ATF7: variants seen among roughly 807,000 people sequenced by gnomAD.
The protein encoded by ATF7 is activating transcription factor 7, also known as cyclic AMP-dependent transcription factor ATF-7.
A neutral mutation model predicts 50.4 loss-of-function variants in ATF7; 10 were observed. The observed-to-expected ratio is 0.20, with a 90% CI of 0.12 to 0.34. The LOEUF (loss-of-function observed/expected upper bound fraction) is 0.34. Among genes scored for constraint, ATF7 ranks in the 10% least tolerant of loss-of-function variants. The pLI, the probability that ATF7 is intolerant of heterozygous loss-of-function variation, is 1.00. For synonymous variants in ATF7, 201 were observed against 226.4 expected (o/e 0.89, Z 1.01); for missense variants, 465 against 613.9 (o/e 0.76, Z 2.56).
intron 2 of ATF7, among the ~76,000 whole-genome samples, chr12:53,591,860 C>T (rs1304467385): frequency 6.6e-6 from 1 of 152,140 alleles, no homozygotes; most frequent in Non-Finnish European, 1.5e-5. Context: ...TACAATGACT[C>T]AAAGGACACA....
At chr12:53,570,920 G>T (rs1405954074) in intron 2 of ATF7, among the ~76,000 whole-genome samples, 1 of 152,202 alleles carries the variant, frequency 6.6e-6, no homozygotes, top group East Asian at 1.9e-4. Flanking sequence ...CTGGGGTTAA[G>T]ACTTCACCAT....
At chr12:53,569,946 G>C (rs1278204890) in intron 2 of ATF7, among the ~76,000 whole-genome samples, 1 of 152,022 alleles carries the variant, frequency 6.6e-6, no homozygotes, top group East Asian at 1.9e-4. Flanking sequence ...CAAAGTGCAG[G>C]GATTACAGGT....
chr12:53,595,986 G>A (rs551264005), intron 2 of ATF7, among the ~76,000 whole-genome samples: 25 of 152,172 alleles, frequency 1.6e-4, no homozygotes, highest in African/African-American at 6.0e-4. Context: ...AGAAATAATC[G>A]AAGGATTTTT....
chr12:53,569,263 CAGA>C lies in ATF7; in HGVS notation c.49-16629_49-16627del, dbSNP rs367674850. Among the ~76,000 whole-genome samples the C allele has an allele frequency of 2.0e-4, 30 of 152,366 alleles. No individual in the cohort carries two copies. In the South Asian group the frequency reaches 6.2e-3, roughly 32 times the overall value. ...TCTAGACAGTCATAGTGATCCAACA[CAGA>C]AGAACAGCAGCAGCTGGGGAAATTG... On this transcript the variant is annotated intron_variant, in intron 2 of 11. Coordinates refer to ENST00000420353, the MANE Select transcript of ATF7 (RefSeq NM_006856.3).
At chr12:53,511,799 G>T (rs1177254830), downstream of ATF7, among the ~76,000 whole-genome samples, 7 of 152,210 alleles carry the variant, frequency 4.6e-5, no homozygotes, top group East Asian at 3.8e-4. Context: ...CTGCCAGGAT[G>T]CCAAGGGCCC....
intron 2 of ATF7, among the ~76,000 whole-genome samples, chr12:53,576,701 A>AAAACAAAC (rs556071136): frequency 8.5e-5 from 13 of 152,234 alleles, no homozygotes; most frequent in East Asian, 3.9e-4. Flanking sequence ...TGTTCTTTAT[A>AAAACAAAC]AAACAAACAA....
At chr12:53,574,953 CAAAAA>C (rs200535578) in intron 2 of ATF7, 6 of 169,002 alleles carry the variant, frequency 3.6e-5, no homozygotes, top group South Asian at 2.1e-4. Context: ...GAGCTTAAGC[CAAAAA>C]AAAAAAAAAA....
intron 2 of ATF7, among the ~76,000 whole-genome samples, chr12:53,599,228 C>G (rs1943285970): frequency 6.6e-6 from 1 of 150,962 alleles, no homozygotes; most frequent in Admixed American, 6.6e-5. Context: ...TTTGTAAAGA[C>G]AGGGTCTCAC....
intron 2 of ATF7, among the ~76,000 whole-genome samples, chr12:53,597,233 C>T (rs1943198737): frequency 6.6e-6 from 1 of 152,046 alleles, no homozygotes; most frequent in South Asian, 2.1e-4. Flanking sequence ...AGCTGTGTCA[C>T]ATCAGACTTA....
chr12:53,605,396 A>AG (rs1269303041), intron 1 of ATF7, among the ~76,000 whole-genome samples: 1 of 151,846 alleles, frequency 6.6e-6, no homozygotes, highest in Non-Finnish European at 1.5e-5. Context: ...TCTCAAAAAA[A>AG]AAAAAAAAAA....
intron 6 of ATF7, 28 bp downstream of exon 6, chr12:53,534,474 A>G (rs1939102834): frequency 1.2e-6 from 2 of 1,613,270 alleles, no homozygotes; most frequent in Admixed American, 1.7e-5. Context: ...TGCAGCCTTC[A>G]CTACTTCTCC....
intron 2 of ATF7, among the ~76,000 whole-genome samples, chr12:53,557,775 C>T (rs1940845690): frequency 6.6e-6 from 1 of 152,194 alleles, no homozygotes. Flanking sequence ...CCACACATAG[C>T]TATTGAGTAC....
At position 53,524,600 on chromosome 12, in the gene ATF7, C is replaced by G; in HGVS notation, c.1089G>C (p.Lys363Asn). Residue 363 changes from lysine to asparagine, a missense_variant, in exon 10 of 12, where the codon AAG becomes AAC. Lys to Asn is a moderately conservative substitution (Grantham distance 94). Transcript: ENST00000420353. This position sits in a 1 kb window ranked among gnomAD's most constrained non-coding sequence, Gnocchi z 4.6. ...RKLWVSSLEKKAEELTSQNIQ... is the reference protein window; with the variant it reads ...RKLWVSSLEKNAEELTSQNIQ... ...TGTTCTGAGAAGTGAGTTCTTCGGC[C>G]TTCTTCTCTAGGGAGGACACCCACA... 1.2e-6 allele frequency: 2 copies of G among 1,614,004 alleles called. No individual in the cohort carries two copies. The highest frequency in any genetic ancestry group is 1.7e-6 in the Non-Finnish European group (2 of 1,179,900).
intron 9 of ATF7, chr12:53,525,049 T>C (rs1938363382): frequency 3.1e-6 from 1 of 326,338 alleles, no homozygotes; most frequent in African/African-American, 2.2e-5. Context: ...GGTTACTTTT[T>C]GTTTCTTAAC....
chr12:53,537,874 A>G (rs1484110732), intron 4 of ATF7, among the ~76,000 whole-genome samples: 2 of 152,072 alleles, frequency 1.3e-5, no homozygotes, highest in Non-Finnish European at 2.9e-5. Flanking sequence ...CACCACGCCC[A>G]GCTAATTTTT....
chr12:53,558,551 G>A (rs547864089), intron 2 of ATF7, among the ~76,000 whole-genome samples: 1 of 152,130 alleles, frequency 6.6e-6, no homozygotes, highest in Non-Finnish European at 1.5e-5. Flanking sequence ...CAAATACTTA[G>A]GATAGGAAAA....
intron 2 of ATF7, among the ~76,000 whole-genome samples, chr12:53,566,820 C>G (rs1337210760): frequency 6.6e-6 from 1 of 152,146 alleles, no homozygotes; most frequent in African/African-American, 2.4e-5. Flanking sequence ...ATGGCATGAT[C>G]TTGGCTCACT....
intron 1 of ATF7, among the ~76,000 whole-genome samples, chr12:53,608,709 A>G (rs544664046): frequency 6.6e-6 from 1 of 152,210 alleles, no homozygotes; most frequent in Non-Finnish European, 1.5e-5. Context: ...TAATAAAAAA[A>G]TTATATGCAA....
intron 2 of ATF7, among the ~76,000 whole-genome samples, chr12:53,582,154 AC>A (rs1447685992): frequency 6.6e-6 from 1 of 151,914 alleles, no homozygotes; most frequent in Non-Finnish European, 1.5e-5. Flanking sequence ...CCCCATCTCT[AC>A]TAAATACAAA....
Sources: allele counts gnomAD v4.1 joint callset (sites outside exome capture counted in the v4.1 genomes callset), GRCh38; gene constraint gnomAD v4.1.1; non-coding constraint Gnocchi (gnomAD v3.1); transcripts MANE v1.5; gene names NCBI Gene and HGNC (gene_info 2026-07-23, HGNC 2026-07-21).